ERC1: variants seen among roughly 807,000 people sequenced by gnomAD.
The protein encoded by ERC1 is RAB6 interacting protein 2.
A neutral mutation model predicts 132.0 loss-of-function variants in ERC1; 56 were observed. The observed-to-expected ratio is 0.42, with a 90% CI of 0.34 to 0.53. The LOEUF (loss-of-function observed/expected upper bound fraction) is 0.53. Among genes scored for constraint, ERC1 ranks in the 20% least tolerant of loss-of-function variants. ERC1 has a pLI of 0.03. For missense variants in ERC1, 1,202 were observed against 1,349.9 expected (o/e 0.89, Z 1.72); for synonymous variants, 478 against 476.1 (o/e 1.00, Z -0.05).
chr12:1,400,498 C>T (rs923507350), intron 16 of ERC1, among the ~76,000 whole-genome samples: 2 of 152,050 alleles, frequency 1.3e-5, no homozygotes, highest in Non-Finnish European at 1.5e-5. Context: ...CACTGCCTAA[C>T]CCAGGCCTCA....
At chr12:1,363,082 G>A (rs1369643186) in intron 15 of ERC1, among the ~76,000 whole-genome samples, 1 of 152,100 alleles carries the variant, frequency 6.6e-6, no homozygotes, top group Non-Finnish European at 1.5e-5. Flanking sequence ...GCCCTTTCTG[G>A]TCACTCGCCA....
intron 15 of ERC1, among the ~76,000 whole-genome samples, chr12:1,296,415 T>TCC: frequency 7.5e-6 from 1 of 133,292 alleles, no homozygotes; most frequent in East Asian, 2.1e-4. Context: ...TTTTTTTTTT[T>TCC]TTTTTTTTTT....
At chr12:1,396,983 G>A (rs906220426) in intron 16 of ERC1, among the ~76,000 whole-genome samples, 1 of 152,146 alleles carries the variant, frequency 6.6e-6, no homozygotes, top group Non-Finnish European at 1.5e-5. Flanking sequence ...AGAAACCAAA[G>A]TTATCAAGCC....
intron 7 of ERC1, among the ~76,000 whole-genome samples, chr12:1,119,256 TTG>T (rs1219339813): frequency 7.6e-6 from 1 of 132,272 alleles, no homozygotes; most frequent in African/African-American, 3.5e-5. Flanking sequence ...TTGTTTTGTT[TTG>T]TTTTTTTTGT....
chr12:1,412,701 C>T (rs2091912995), intron 17 of ERC1, among the ~76,000 whole-genome samples: 1 of 152,182 alleles, frequency 6.6e-6, no homozygotes, highest in African/African-American at 2.4e-5. Flanking sequence ...CTTAAACTCC[C>T]TGAGCCCCAG....
intron 16 of ERC1, among the ~76,000 whole-genome samples, chr12:1,388,219 G>A (rs528742714): frequency 6.6e-6 from 1 of 152,064 alleles, no homozygotes; most frequent in African/African-American, 2.4e-5. Context: ...CGTGGTGGTG[G>A]GCACCTGTAG....
rs2094312912 is a variant in ERC1, at chr12:1,490,953, C to T, written c.*723C>T. The stretch of plus-strand genomic sequence containing the variant: ...AGAAGATGGTGTGAGGTGTTCTCCA[C>T]CAGTCTCTCCTGTTTGAGACTGTTG... On this transcript the variant is annotated 3_prime_UTR_variant, in exon 19 of 19. Coordinates refer to ENST00000360905, the MANE Select transcript of ERC1 (RefSeq NM_178040.4). The T allele has an allele frequency of 4.3e-6, 1 of 232,708 alleles. No homozygotes were observed. Among genetic ancestry groups the T allele is most frequent in the Admixed American group, 5.6e-5 (1 of 17,770 alleles). 14.4% of individuals were successfully genotyped at this position (232,708 alleles called of 1,614,324 possible). A position where few individuals can be genotyped will look rare whatever the true frequency, so the allele number is the denominator to read the frequency against.
intron 12 of ERC1, among the ~76,000 whole-genome samples, chr12:1,220,411 T>A (rs1958869648): frequency 6.6e-6 from 1 of 152,234 alleles, no homozygotes; most frequent in African/African-American, 2.4e-5. Context: ...GAGGGCTGGC[T>A]CTTTTCTGAA....
intron 1 of ERC1, among the ~76,000 whole-genome samples, chr12:1,012,935 T>A (rs1371683515): frequency 6.6e-6 from 1 of 152,218 alleles, no homozygotes; most frequent in Non-Finnish European, 1.5e-5. Context: ...ACTGACCCAG[T>A]CCAGGTCTGG....
intron 14 of ERC1, among the ~76,000 whole-genome samples, chr12:1,284,887 C>T (rs2078942183): frequency 6.6e-6 from 1 of 152,212 alleles, no homozygotes; most frequent in Admixed American, 6.5e-5. Context: ...TTCCTCCTGC[C>T]TTGGCCTCCT....
At chr12:1,112,427 A>G (rs1945990762) in intron 6 of ERC1, 129 bp downstream of exon 6, 1 of 617,348 alleles carries the variant, frequency 1.6e-6, no homozygotes, top group Non-Finnish European at 2.9e-6. Context: ...ACTAGCACTA[A>G]CCAGCCTGCT....
intron 8 of ERC1, among the ~76,000 whole-genome samples, chr12:1,168,497 T>TG (rs1555282614): frequency 9.3e-4 from 133 of 142,250 alleles, no homozygotes; most frequent in Middle Eastern, 3.6e-3. Flanking sequence ...TTTTTTTTTT[T>TG]TTTGGAGGAG....
intron 11 of ERC1, among the ~76,000 whole-genome samples, chr12:1,186,232 A>G (rs1287528847): frequency 6.6e-6 from 1 of 152,258 alleles, no homozygotes; most frequent in African/African-American, 2.4e-5. Context: ...CTTATTGAAT[A>G]AGGAAAAAAA....
At chr12:1,162,993 C>T (rs1952021200) in intron 8 of ERC1, among the ~76,000 whole-genome samples, 2 of 152,052 alleles carry the variant, frequency 1.3e-5, no homozygotes, top group South Asian at 2.1e-4. Flanking sequence ...CATTTTATTG[C>T]AAAAACAATG....
At chr12:1,181,790 A>G in intron 9 of ERC1, 135 bp from the exon 10 acceptor site, 1 of 1,017,514 alleles carries the variant, frequency 9.8e-7, no homozygotes, top group Admixed American at 3.0e-5. Context: ...TCTCAAAAAA[A>G]AAAAAAAAGT....
chr12:1,328,730 C>A (rs947332714), intron 15 of ERC1, among the ~76,000 whole-genome samples: 1 of 151,742 alleles, frequency 6.6e-6, no homozygotes, highest in Non-Finnish European at 1.5e-5. Flanking sequence ...GAAGTCATTT[C>A]TTTCTCTGCG....
chr12:1,327,910 A>G (rs2082572098), intron 15 of ERC1, among the ~76,000 whole-genome samples: 1 of 152,120 alleles, frequency 6.6e-6, no homozygotes, highest in Non-Finnish European at 1.5e-5. Context: ...TCAGTTGTTC[A>G]AGCCAGAAAC....
chr12:1,429,042 C>CT (rs925408108), intron 17 of ERC1, among the ~76,000 whole-genome samples: 38 of 151,846 alleles, frequency 2.5e-4, no homozygotes, highest in African/African-American at 3.9e-4. Flanking sequence ...AAACAGATGG[C>CT]TTTTTTTTGG....
At chr12:1,183,701 C>A (rs894802341) in intron 11 of ERC1, among the ~76,000 whole-genome samples, 1 of 151,982 alleles carries the variant, frequency 6.6e-6, no homozygotes, top group Non-Finnish European at 1.5e-5. Flanking sequence ...TCTCTGTTAC[C>A]TGATATTTTT....
Sources: gnomAD v4.1 joint callset for allele counts (sites outside exome capture counted in the v4.1 genomes callset) on GRCh38, gnomAD v4.1.1 for gene constraint, MANE v1.5 for transcripts, NCBI Gene and HGNC (gene_info 2026-07-23, HGNC 2026-07-21) for gene names.